The following STK24 variants were observed in gnomAD, a reference collection of about 807,000 sequenced individuals.
STK24 encodes serine/threonine-protein kinase 24.
STK24 carries 21 observed loss-of-function variants against 55.6 expected under a neutral mutation model. The observed-to-expected ratio is 0.38, with a 90% CI of 0.27 to 0.54. STK24 has a LOEUF of 0.54. Ranked by LOEUF, STK24 falls within the 20% of genes least tolerant of loss-of-function variation. The pLI, the probability that STK24 is intolerant of heterozygous loss-of-function variation, is 0.79. For missense variants in STK24, 383 were observed against 538.4 expected (o/e 0.71, Z 2.86); for synonymous variants, 200 against 215.2 (o/e 0.93, Z 0.62).
chr13:98,499,869 C>CA (rs1895383501), intron 2 of STK24, among the ~76,000 whole-genome samples: 2 of 152,176 alleles, frequency 1.3e-5, no homozygotes, highest in South Asian at 4.1e-4. Context: ...GAGCCATACC[C>CA]ACCTGAGGCA....
chr13:98,467,141 T>G (rs1481979238), intron 5 of STK24, among the ~76,000 whole-genome samples: 1 of 152,190 alleles, frequency 6.6e-6, no homozygotes, highest in Non-Finnish European at 1.5e-5. Context: ...TAAAAAAGTT[T>G]ATTATGAAAA....
intron 5 of STK24, among the ~76,000 whole-genome samples, chr13:98,469,469 A>C (rs1324836145): frequency 6.6e-6 from 1 of 151,936 alleles, no homozygotes; most frequent in Non-Finnish European, 1.5e-5. Context: ...GAATCATTTG[A>C]ACCTGGGAGG....
chr13:98,551,869 T>G (rs1418741440), intron 1 of STK24, among the ~76,000 whole-genome samples: 1 of 152,182 alleles, frequency 6.6e-6, no homozygotes, highest in African/African-American at 2.4e-5. Context: ...TGTTGAGAAA[T>G]GAGCATCATG....
chr13:98,556,178 G>GGA (rs1897285004), intron 1 of STK24, among the ~76,000 whole-genome samples: 1 of 152,188 alleles, frequency 6.6e-6, no homozygotes, highest in Admixed American at 6.5e-5. Context: ...CAACAGGGCT[G>GGA]GCAGGGGGCA....
chr13:98,504,607 T>C (rs1196660668), intron 2 of STK24, among the ~76,000 whole-genome samples: 3 of 152,182 alleles, frequency 2.0e-5, no homozygotes, highest in South Asian at 4.1e-4. Flanking sequence ...AAGCCTACTG[T>C]GTGGTGAGGG....
At chr13:98,479,889 A>C (rs900068997) in intron 3 of STK24, among the ~76,000 whole-genome samples, 1 of 152,180 alleles carries the variant, frequency 6.6e-6, no homozygotes, top group Non-Finnish European at 1.5e-5. Flanking sequence ...AAAGACAACA[A>C]CATCAGAGGT....
chr13:98,453,229 G>C lies in STK24; in HGVS notation c.1260-20C>G, dbSNP rs901108495. 1 of 1,611,036 alleles carries C rather than the reference G, an allele frequency of 6.2e-7. No homozygotes were observed. The highest frequency in any genetic ancestry group is 1.3e-5 in the African/African-American group (1 of 74,896). On this transcript the variant is annotated intron_variant, in intron 10 of 10. Transcript: ENST00000539966. ...GAGTATCTAGGGAAAAAGAGAGAGA[G>C]AGAAGTCAACACATGTCATTTCTCA...
chr13:98,474,449 C>T (rs1481408177), intron 5 of STK24, among the ~76,000 whole-genome samples: 1 of 152,118 alleles, frequency 6.6e-6, no homozygotes, highest in Non-Finnish European at 1.5e-5. Context: ...GCACTTCGAC[C>T]CCCAGCTGTG....
At chr13:98,478,145 A>G (rs945326815) in intron 3 of STK24, among the ~76,000 whole-genome samples, 8 of 152,178 alleles carry the variant, frequency 5.3e-5, no homozygotes, top group Admixed American at 1.3e-4. Context: ...CAAGCTCTCC[A>G]AGTCAGCAGC....
At chr13:98,560,619 C>T (rs887939263) in intron 1 of STK24, among the ~76,000 whole-genome samples, 6 of 152,118 alleles carry the variant, frequency 3.9e-5, no homozygotes, top group African/African-American at 1.4e-4. Flanking sequence ...TGGCTCACAC[C>T]TGTAATCCCA....
intron 1 of STK24, among the ~76,000 whole-genome samples, chr13:98,527,657 C>T (rs529911614): frequency 1.8e-4 from 27 of 152,260 alleles, no homozygotes; most frequent in African/African-American, 6.0e-4. Flanking sequence ...ACACAGGCCC[C>T]GCAGGCAAAC....
chr13:98,520,716 CTG>C (rs1425044705), intron 1 of STK24, among the ~76,000 whole-genome samples: 7 of 152,248 alleles, frequency 4.6e-5, no homozygotes, highest in African/African-American at 1.7e-4. Context: ...GTGAGACACA[CTG>C]AGTTCCGAGC....
chr13:98,543,262 G>A (rs1896937905), intron 1 of STK24, among the ~76,000 whole-genome samples: 2 of 152,168 alleles, frequency 1.3e-5, no homozygotes, highest in Admixed American at 6.5e-5. Flanking sequence ...TCCCGCGGCT[G>A]GACCTGACAG....
rs11840296 is a variant in STK24 at position 98,547,420 on chromosome 13, C to T, written c.43-27947G>A. On this transcript the variant is annotated intron_variant, in intron 1 of 10. Coordinates refer to ENST00000539966, the MANE Select transcript of STK24 (RefSeq NM_001032296.4). ...ACAATGAGCCGGGCACGGTGGCACA[C>T]GCCTATAGTCCCAGCTACTCGGGAG... is the stretch of plus-strand genomic sequence containing the variant. Among the ~76,000 whole-genome samples, 1,096 of 152,182 alleles carry T rather than the reference C, an allele frequency of 7.2e-3. 13 individuals carry two copies. The highest frequency in any genetic ancestry group is 0.02 in the African/African-American group (833 of 41,532).
At chr13:98,506,940 T>C (rs970358879) in intron 2 of STK24, among the ~76,000 whole-genome samples, 2 of 152,192 alleles carry the variant, frequency 1.3e-5, no homozygotes, top group Non-Finnish European at 2.9e-5. Flanking sequence ...GTCTTGCTAA[T>C]TTGCTCAGGC....
chr13:98,555,816 G>A (rs1220839601), intron 1 of STK24, among the ~76,000 whole-genome samples: 1 of 150,420 alleles, frequency 6.6e-6, no homozygotes, highest in Non-Finnish European at 1.5e-5. Context: ...GAGTAGCTGG[G>A]ACTACAGGTG....
At chr13:98,507,354 C>T (rs1463900494) in intron 2 of STK24, among the ~76,000 whole-genome samples, 1 of 152,154 alleles carries the variant, frequency 6.6e-6, no homozygotes, top group Non-Finnish European at 1.5e-5. Context: ...CTTTGAAAGC[C>T]TGAGCAAATT....
In STK24 at chr13:98,466,564, G is replaced by T; in HGVS notation, c.598-3C>A. On this transcript the variant is annotated splice_polypyrimidine_tract_variant and splice_region_variant and intron_variant, in intron 5 of 10. Transcript: ENST00000539966. Reference sequence around the variant, plus strand: ...ATGCCCAGGGACCAGATGTCTGCCTGCAACAAGAAAAGCATCTTTACAAAC... The same window carrying T: ...ATGCCCAGGGACCAGATGTCTGCCTTCAACAAGAAAAGCATCTTTACAAAC... The T allele has an allele frequency of 6.2e-7, 1 of 1,612,536 alleles. No homozygotes were observed.
chr13:98,557,931 A>G (rs1897318690), intron 1 of STK24, among the ~76,000 whole-genome samples: 1 of 152,214 alleles, frequency 6.6e-6, no homozygotes, highest in African/African-American at 2.4e-5. Flanking sequence ...CTCTGCCTTT[A>G]AAAGAAATTC....
Sources: allele counts gnomAD v4.1 joint callset (sites outside exome capture counted in the v4.1 genomes callset), GRCh38; gene constraint gnomAD v4.1.1; transcripts MANE v1.5; gene names NCBI Gene and HGNC (gene_info 2026-07-23, HGNC 2026-07-21).